Variants in DHX29 observed in about 807,000 individuals in gnomAD.
DHX29 encodes the protein ATP-dependent RNA helicase DHX29.
DHX29 carries 79 observed loss-of-function variants against 167.9 expected under a neutral mutation model. The ratio of observed to expected loss-of-function variants is 0.47; its 90% CI spans 0.39 to 0.57. The LOEUF (loss-of-function observed/expected upper bound fraction) is 0.57, where lower values mean the gene tolerates loss of function less well. Among genes scored for constraint, DHX29 ranks in the 20% least tolerant of loss-of-function variants. DHX29 has a pLI of 0.00. For missense variants in DHX29, 1,347 were observed against 1,593.4 expected (o/e 0.85, Z 2.63); for synonymous variants, 530 against 546.0 (o/e 0.97, Z 0.41).
At chr5:55,282,915 G>A (rs1747507215) in intron 11 of DHX29, 1 of 212,742 alleles carries the variant, frequency 4.7e-6, no homozygotes, top group Non-Finnish European at 9.2e-6. Context: ...ACATTCTTTG[G>A]CTGTTCAATT....
At chr5:55,259,763 A>G (rs1746220600) in intron 26 of DHX29, 85 bp downstream of exon 26, 1 of 774,732 alleles carries the variant, frequency 1.3e-6, no homozygotes. Context: ...GGCCTCTTAG[A>G]AAGTTTTTCC....
chr5:55,289,881 C>G (rs1401132648), intron 7 of DHX29, among the ~76,000 whole-genome samples: 1 of 152,136 alleles, frequency 6.6e-6, no homozygotes, highest in Non-Finnish European at 1.5e-5. Context: ...ATGGTATTTA[C>G]ATTTTCAAGT....
chr5:55,268,367 T>C (rs1425642700), intron 21 of DHX29, among the ~76,000 whole-genome samples: 1 of 152,220 alleles, frequency 6.6e-6, no homozygotes, highest in Non-Finnish European at 1.5e-5. Flanking sequence ...CTATTTCAAA[T>C]ACCAAACAAA....
At chr5:55,280,779 T>C (rs147096396) in intron 12 of DHX29, among the ~76,000 whole-genome samples, 11 of 152,290 alleles carry the variant, frequency 7.2e-5, no homozygotes, top group East Asian at 1.9e-4. Flanking sequence ...TCACTGCCTA[T>C]TGTCCTAGAA....
intron 21 of DHX29, 141 bp from the exon 22 acceptor site, chr5:55,267,963 GTAT>G (rs568677012): frequency 3.2e-4 from 128 of 399,186 alleles, no homozygotes; most frequent in African/African-American, 1.5e-3. Context: ...ATGTTTATTA[GTAT>G]TATTATACTA....
rs1379797479 is a variant in DHX29, at chr5:55,262,866, T to C, written c.3592A>G (p.Ser1198Gly). The C allele has an allele frequency of 6.2e-7, 1 of 1,613,940 alleles. No individual in the cohort carries two copies. Among genetic ancestry groups the C allele is most frequent in the Non-Finnish European group, 8.5e-7 (1 of 1,179,938 alleles). Residue 1198 changes from serine (S) to glycine (G), a missense_variant, in exon 24 of 27, where the codon AGC (serine) becomes GGC (glycine). This residue lies in a region of DHX29 where 882 missense variants were observed against 1,082.4 expected (regional missense o/e 0.81). Coordinates refer to ENST00000251636, the MANE Select transcript of DHX29 (RefSeq NM_019030.4). Reference protein sequence around the residue: ...AGFSSSTTSTSWEGNRASQTL... With the variant: ...AGFSSSTTSTGWEGNRASQTL... ...TGTGAGGCTCTGTTTCCTTCCCAGC[T>C]GGTAGAAGTTGTGGAAGATGAAAAT...
chr5:55,283,966 A>G, intron 10 of DHX29, 155 bp from the exon 11 acceptor site: 1 of 566,472 alleles, frequency 1.8e-6, no homozygotes, highest in Non-Finnish European at 2.9e-6. Context: ...TGCAAATTCA[A>G]TTGATTAGCA....
At chr5:55,264,776 G>GA (rs1329577036) in intron 23 of DHX29, among the ~76,000 whole-genome samples, 1 of 152,084 alleles carries the variant, frequency 6.6e-6, no homozygotes, top group African/African-American at 2.4e-5. Flanking sequence ...AGATGCTTAG[G>GA]AATCAACTCA....
Position 55,289,321 on chromosome 5 carries a change from A to T in DHX29, c.1015T>A (p.Leu339Met). 1 of 1,592,278 alleles carries T rather than the reference A, an allele frequency of 6.3e-7. No homozygotes were observed. The highest frequency in any genetic ancestry group is 8.5e-7 in the Non-Finnish European group (1 of 1,173,514). ...PPVATEGESA[L>M]NFNLFEKSAA... ...GATTTTTCAAATAAATTAAAATTCAATGCACTTTCTCCTTCTGTGGCTACA... is the reference window on the plus strand; with the variant it reads ...GATTTTTCAAATAAATTAAAATTCATTGCACTTTCTCCTTCTGTGGCTACA... Residue 339 changes from leucine to methionine, a missense_variant, in exon 8 of 27, where the codon TTG becomes ATG. By Grantham distance (15) the Leu-to-Met change is conservative. Coordinates refer to ENST00000251636, the MANE Select transcript of DHX29 (RefSeq NM_019030.4).
At chr5:55,290,104 G>A in intron 7 of DHX29, 114 bp downstream of exon 7, 2 of 1,265,700 alleles carry the variant, frequency 1.6e-6, no homozygotes, top group Non-Finnish European at 2.2e-6. Flanking sequence ...CTAATCCCAT[G>A]TATAAACTGT....
chr5:55,266,060 T>C (rs1370135086), intron 23 of DHX29, among the ~76,000 whole-genome samples: 4 of 151,814 alleles, frequency 2.6e-5, no homozygotes, highest in Admixed American at 6.6e-5. Context: ...AGTGCAGTGG[T>C]GCGATCTTGG....
intron 4 of DHX29, 123 bp from the exon 5 acceptor site, chr5:55,295,647 C>A: frequency 1.1e-6 from 1 of 903,918 alleles, no homozygotes; most frequent in African/African-American, 1.7e-5. Context: ...TCTATTCCCT[C>A]ATCTCCTAAG....
chr5:55,262,544 A>T, intron 24 of DHX29, 86 bp downstream of exon 24: 1 of 1,485,128 alleles, frequency 6.7e-7, no homozygotes, highest in South Asian at 1.4e-5. Context: ...GAACCAAATA[A>T]AATACCTGTT....
intron 25 of DHX29, among the ~76,000 whole-genome samples, chr5:55,260,738 A>C (rs111967817): frequency 0.016 from 2,512 of 152,288 alleles, 51 homozygotes; most frequent in African/African-American, 0.056. Flanking sequence ...TCATAGAATA[A>C]CCTAACAATG....
intron 26 of DHX29, among the ~76,000 whole-genome samples, chr5:55,258,217 A>G (rs550580448): frequency 2.0e-5 from 3 of 152,316 alleles, no homozygotes; most frequent in Admixed American, 2.0e-4. Flanking sequence ...TACAGCACCA[A>G]CTAGAAAGTA....
At chr5:55,288,807 C>T (rs112450633) in intron 8 of DHX29, among the ~76,000 whole-genome samples, 1 of 151,934 alleles carries the variant, frequency 6.6e-6, no homozygotes, top group Admixed American at 6.6e-5. Flanking sequence ...GCAAGATGAG[C>T]GAAGTAATGA....
At chr5:55,284,129 T>G (rs1747590920) in intron 10 of DHX29, among the ~76,000 whole-genome samples, 1 of 152,242 alleles carries the variant, frequency 6.6e-6, no homozygotes, top group East Asian at 1.9e-4. Context: ...ACTTAATCTC[T>G]ATGTGTCTCA....
At chr5:55,292,130 A>C (rs1748078850) in intron 6 of DHX29, among the ~76,000 whole-genome samples, 3 of 152,204 alleles carry the variant, frequency 2.0e-5, no homozygotes, top group Non-Finnish European at 2.9e-5. Context: ...ACCATTTTAC[A>C]TTCCCACCAA....
At chr5:55,289,626 A>G (rs1233505760) in intron 7 of DHX29, among the ~76,000 whole-genome samples, 198 bp from the exon 8 acceptor site, 2 of 152,118 alleles carry the variant, frequency 1.3e-5, no homozygotes, top group Non-Finnish European at 2.9e-5. Context: ...GAATCTGTGC[A>G]GGAATCAGAG....
Sources: allele counts gnomAD v4.1 joint callset (sites outside exome capture counted in the v4.1 genomes callset), GRCh38; gene constraint gnomAD v4.1.1; regional missense constraint gnomAD v4.1.1; transcripts MANE v1.5; gene names NCBI Gene and HGNC (gene_info 2026-07-23, HGNC 2026-07-21).